TTC34: variants seen among roughly 807,000 people sequenced by gnomAD.
TTC34 encodes the protein tetratricopeptide repeat domain 34, also known as tetratricopeptide repeat protein 34.
Under a neutral mutation model 40.7 loss-of-function variants are expected in TTC34, and 44 were observed. That is an observed-to-expected ratio of 1.08 (90% CI 0.85 to 1.39). The LOEUF (loss-of-function observed/expected upper bound fraction) is 1.39, where lower values mean the gene tolerates loss of function less well. Among genes scored for constraint, TTC34 ranks in the 40% most tolerant of loss-of-function variants. TTC34 has a pLI of 0.00. For missense variants in TTC34, 884 were observed against 838.0 expected, an observed-to-expected ratio of 1.05 and a Z score of -0.68; for synonymous variants, 422 against 398.6, an observed-to-expected ratio of 1.06 and a Z score of -0.70.
Position 2,645,572 on chromosome 1 carries a change from A to AGG in TTC34, c.2227-11_2227-10dup. 1 of 20,342 alleles carries AGG rather than the reference A, an allele frequency of 4.9e-5. No homozygotes were observed. 1.3% of individuals were successfully genotyped at this position (20,342 alleles called of 1,614,324 possible). On this transcript the variant is annotated splice_polypyrimidine_tract_variant and intron_variant, in intron 6 of 8. Transcript: ENST00000401095. This position sits in a 1 kb window ranked among gnomAD's most constrained non-coding sequence, Gnocchi z 4.7. ...ATGTCGTCCACGGCTTCCTGCAAGG[A>AGG]GGGAGGGCGGGCGGGTGCAGAGTTG...
At chr1:2,695,778 C>A in intron 6 of TTC34, among the ~76,000 whole-genome samples, 1 of 151,614 alleles carries the variant, frequency 6.6e-6, no homozygotes, top group African/African-American at 2.4e-5. Flanking sequence ...ATCTGACAGG[C>A]TGGAGCAGCA....
chr1:2,695,704 C>T (rs959034657), intron 6 of TTC34, among the ~76,000 whole-genome samples: 1 of 150,162 alleles, frequency 6.7e-6, no homozygotes, highest in East Asian at 2.0e-4. Context: ...CAGCCTGGAA[C>T]AGCACCCACA....
At chr1:2,791,659 C>T (rs1294943326) in intron 2 of TTC34, among the ~76,000 whole-genome samples, 1 of 152,162 alleles carries the variant, frequency 6.6e-6, no homozygotes, top group Middle Eastern at 3.2e-3. Flanking sequence ...CACTTTGAGC[C>T]TTTCCTGCCA....
At chr1:2,690,075 G>C (rs565845327) in intron 6 of TTC34, among the ~76,000 whole-genome samples, 1 of 139,332 alleles carries the variant, frequency 7.2e-6, no homozygotes, top group South Asian at 2.3e-4. Flanking sequence ...GCGAGCATCT[G>C]ACGGCCTGGA....
In TTC34 at chr1:2,786,092, G is replaced by A. The variant is rs1048725653; in HGVS notation, c.1855-69C>T. Reference sequence around the variant, plus strand: ...GCCCTGGAGCCCACCCTGTACTGACGCCCCTGGCCATCCCCCACCCCACCC... The same window carrying A: ...GCCCTGGAGCCCACCCTGTACTGACACCCCTGGCCATCCCCCACCCCACCC... On this transcript the variant is annotated intron_variant, in intron 4 of 8. Coordinates refer to ENST00000401095, the Ensembl canonical transcript of TTC34. 9 of 1,315,112 alleles carry A rather than the reference G, an allele frequency of 6.8e-6. No individual in the cohort carries two copies. In the East Asian group the frequency reaches 9.2e-5, roughly 14 times the overall value. 81.5% of individuals were successfully genotyped at this position (1,315,112 alleles called of 1,614,324 possible). A position where few individuals can be genotyped will look rare whatever the true frequency, so the allele number is the denominator to read the frequency against.
rs1163424979 is a variant in TTC34 at position 2,752,730 on chromosome 1, G to C, written c.2226+30879C>G. Among the ~76,000 whole-genome samples, 4 of 92,568 alleles carry C rather than the reference G, an allele frequency of 4.3e-5. 1 individual carries two copies. The East Asian group carries it at 1.7e-3, about 39-fold the overall frequency. The allele number at this position is 92,568 out of a possible 152,430, so 60.7% of individuals were successfully genotyped here. ...ATCTGACAGCATGGAACAGCACCCTGCACCCCCAGGACAGCATCTGACAGC... is the reference window on the plus strand; with the variant it reads ...ATCTGACAGCATGGAACAGCACCCTCCACCCCCAGGACAGCATCTGACAGC... On this transcript the variant is annotated intron_variant, in intron 6 of 8. Coordinates refer to ENST00000401095, the Ensembl canonical transcript of TTC34.
At chr1:2,779,055 C>T (rs1329877366) in intron 6 of TTC34, among the ~76,000 whole-genome samples, 1 of 152,150 alleles carries the variant, frequency 6.6e-6, no homozygotes, top group East Asian at 1.9e-4. Flanking sequence ...TTGCTGAGCA[C>T]AATGTCCTTG....
intron 6 of TTC34, among the ~76,000 whole-genome samples, chr1:2,690,407 G>T (rs1364765523): frequency 3.3e-4 from 49 of 147,822 alleles, no homozygotes; most frequent in African/African-American, 6.2e-4. Context: ...ACCCAACGGA[G>T]CAGAACCCAG....
intron 6 of TTC34, among the ~76,000 whole-genome samples, chr1:2,675,047 G>A (rs1639848096): frequency 7.4e-6 from 1 of 134,248 alleles, no homozygotes; most frequent in African/African-American, 2.7e-5. Flanking sequence ...ACAACCACAG[G>A]TGAGCATCGG....
intron 5 of TTC34, 125 bp downstream of exon 5, chr1:2,785,694 G>T: frequency 9.2e-7 from 1 of 1,091,202 alleles, no homozygotes. Context: ...CCAACCCGTG[G>T]GTGTTCCTGA....
chr1:2,773,178 C>G (rs1363225792), intron 6 of TTC34, among the ~76,000 whole-genome samples: 1 of 138,272 alleles, frequency 7.2e-6, no homozygotes. Context: ...GCGCCCACAC[C>G]CCCAGGTGAG....
intron 6 of TTC34, among the ~76,000 whole-genome samples, chr1:2,684,690 T>A (rs1430849767): frequency 4.4e-5 from 5 of 112,808 alleles, no homozygotes; most frequent in East Asian, 2.8e-4. Context: ...CAGGTGAGCA[T>A]CTGACAGCCT....
chr1:2,677,447 CGCCCCCAGGCGAGCATCTGA>C (rs1639946958), intron 6 of TTC34, among the ~76,000 whole-genome samples: 1 of 71,244 alleles, frequency 1.4e-5, no homozygotes, highest in Non-Finnish European at 3.1e-5. Flanking sequence ...GCAGCACCCA[CGCCCCCAGGCGAGCATCTGA>C]ACACACGGAG....
At chr1:2,688,645 C>A (rs540241622) in intron 6 of TTC34, among the ~76,000 whole-genome samples, 3 of 132,180 alleles carry the variant, frequency 2.3e-5, no homozygotes, top group Non-Finnish European at 4.8e-5. Flanking sequence ...GGAGTAGCAC[C>A]CACAACCACA....
At chr1:2,654,048 A>G (rs1639247049) in intron 6 of TTC34, among the ~76,000 whole-genome samples, 1 of 152,068 alleles carries the variant, frequency 6.6e-6, no homozygotes, top group African/African-American at 2.4e-5. Context: ...CAGTGCCCAC[A>G]CCACCAGGTG....
intron 6 of TTC34, among the ~76,000 whole-genome samples, chr1:2,750,155 A>G (rs1219640160): frequency 1.1e-5 from 1 of 94,598 alleles, no homozygotes; most frequent in African/African-American, 4.9e-5. Flanking sequence ...CGTGGAGCAG[A>G]ACAAACACCC....
exon 9 of TTC34, chr1:2,641,728 C>T: frequency 6.5e-7 from 1 of 1,535,342 alleles, no homozygotes; most frequent in Non-Finnish European, 8.7e-7. Flanking sequence ...GCACATGGTC[C>T]AGGTCCCTAA....
chr1:2,691,606 T>A (rs796347274), intron 6 of TTC34, among the ~76,000 whole-genome samples: 5 of 110,662 alleles, frequency 4.5e-5, no homozygotes, highest in South Asian at 2.8e-4. Context: ...CCTGACAGCC[T>A]GGAACAGCAC....
chr1:2,644,337 G>A (rs544236059), exon 8 of TTC34: 2 of 1,535,878 alleles, frequency 1.3e-6, no homozygotes, highest in East Asian at 2.4e-5. Flanking sequence ...ATCCACCTCG[G>A]CCAGGCTCTG....
Sources: gnomAD v4.1 joint callset for allele counts (sites outside exome capture counted in the v4.1 genomes callset) on GRCh38, gnomAD v4.1.1 for gene constraint, Gnocchi (gnomAD v3.1) non-coding constraint, MANE v1.5 for transcripts, NCBI Gene and HGNC (gene_info 2026-07-23, HGNC 2026-07-21) for gene names.